GRIK4: variants seen among roughly 807,000 people sequenced by gnomAD.
GRIK4 encodes the protein glutamate receptor ionotropic, kainate 4.
In GRIK4, 40 loss-of-function variants were observed where a neutral mutation model predicts 104.9. The ratio of observed to expected loss-of-function variants is 0.38; its 90% CI spans 0.30 to 0.50. GRIK4 has a LOEUF of 0.50. GRIK4 is among the 20% of genes least tolerant of loss of function. The probability of loss-of-function intolerance (pLI) is 0.93; values close to 1 mark genes in which losing one functional copy is unlikely to be tolerated. For missense variants in GRIK4, 1,047 were observed against 1,308.1 expected (o/e 0.80, Z 3.08); for synonymous variants, 485 against 524.9 (o/e 0.92, Z 1.04).
intron 13 of GRIK4, among the ~76,000 whole-genome samples, chr11:120,920,940 C>T (rs1943214892): frequency 6.6e-6 from 1 of 152,204 alleles, no homozygotes; most frequent in Non-Finnish European, 1.5e-5. Context: ...CACTCACTGG[C>T]CTCCTCTTGG....
intron 19 of GRIK4, among the ~76,000 whole-genome samples, chr11:120,976,977 G>T (rs1944570771): frequency 6.6e-6 from 1 of 152,234 alleles, no homozygotes; most frequent in Non-Finnish European, 1.5e-5. Context: ...GGAAGAGCAA[G>T]TGGGTGGGTG....
At chr11:120,937,855 T>C (rs575554900) in intron 13 of GRIK4, among the ~76,000 whole-genome samples, 40 of 152,324 alleles carry the variant, frequency 2.6e-4, no homozygotes, top group Admixed American at 2.5e-3. Flanking sequence ...TTTATCGACT[T>C]GTAAAATGAT....
intron 5 of GRIK4, among the ~76,000 whole-genome samples, chr11:120,818,624 T>C (rs1029928496): frequency 2.1e-4 from 32 of 152,184 alleles, no homozygotes; most frequent in Admixed American, 6.5e-5. Context: ...GGAGCTCTGG[T>C]CTCCAGCTGA....
At chr11:120,641,639 A>T (rs1949473468) in intron 1 of GRIK4, among the ~76,000 whole-genome samples, 1 of 152,200 alleles carries the variant, frequency 6.6e-6, no homozygotes, top group Non-Finnish European at 1.5e-5. Context: ...ATGCTAATGC[A>T]TTATAATAGG....
At chr11:120,516,379 A>C (rs567316868) in intron 1 of GRIK4, among the ~76,000 whole-genome samples, 1 of 152,216 alleles carries the variant, frequency 6.6e-6, no homozygotes, top group South Asian at 2.1e-4. Context: ...AGGCAGGATG[A>C]GGGGAGAGAG....
At chr11:120,584,014 T>C (rs1948623450) in intron 1 of GRIK4, among the ~76,000 whole-genome samples, 1 of 152,244 alleles carries the variant, frequency 6.6e-6, no homozygotes, top group Non-Finnish European at 1.5e-5. Flanking sequence ...GCTTTCATCT[T>C]GGACGTTGTT....
chr11:120,877,947 T>G (rs1429943028), intron 11 of GRIK4, among the ~76,000 whole-genome samples: 2 of 152,162 alleles, frequency 1.3e-5, no homozygotes, highest in African/African-American at 4.8e-5. Flanking sequence ...CTGATCCCAC[T>G]CTCCACTTGA....
At chr11:120,766,151 C>T (rs1951835895) in intron 3 of GRIK4, among the ~76,000 whole-genome samples, 1 of 152,212 alleles carries the variant, frequency 6.6e-6, no homozygotes, top group Admixed American at 6.5e-5. Flanking sequence ...ATGCCTTGCC[C>T]AGAGAGGAGG....
chr11:120,758,013 C>T (rs956578554), intron 3 of GRIK4, among the ~76,000 whole-genome samples: 5 of 152,152 alleles, frequency 3.3e-5, no homozygotes, highest in Non-Finnish European at 7.4e-5. Flanking sequence ...CAGGAGTGGG[C>T]GTTAGGCTGA....
intron 8 of GRIK4, among the ~76,000 whole-genome samples, chr11:120,860,003 A>T (rs1954219369): frequency 6.6e-6 from 1 of 152,190 alleles, no homozygotes; most frequent in South Asian, 2.1e-4. Flanking sequence ...GCAAGGATGC[A>T]AGGGTGGCGC....
Position 120,752,988 on chromosome 11 carries a change from C to G in GRIK4, c.83-49705C>G, listed in dbSNP as rs143897692. Among the ~76,000 whole-genome samples, 156 of 152,348 alleles carry G rather than the reference C, an allele frequency of 1.0e-3. 2 individuals carry two copies. The East Asian group carries it at 0.029, about 28-fold the overall frequency. ...GGTGCCTCCTCGTGGGCCAGTCCCA[C>G]CCTCTCCCTTGTGGCCTTCAAGGAA... is the stretch of plus-strand genomic sequence containing the variant. On this transcript the variant is annotated intron_variant, in intron 3 of 20. Coordinates refer to ENST00000527524, the MANE Select transcript of GRIK4 (RefSeq NM_014619.5).
chr11:120,722,701 G>C (rs995967173), intron 3 of GRIK4, among the ~76,000 whole-genome samples: 1 of 152,198 alleles, frequency 6.6e-6, no homozygotes, highest in African/African-American at 2.4e-5. Flanking sequence ...TCTTCTGAAA[G>C]GGACTGGAAT....
At chr11:120,576,409 A>AC (rs761971981) in intron 1 of GRIK4, 2 of 151,660 alleles carry the variant, frequency 1.3e-5, no homozygotes, top group East Asian at 1.9e-4. Context: ...CTTCAGGAAG[A>AC]CCCCCCATTT....
In GRIK4 at chr11:120,939,246, A is replaced by G. The variant is rs1943665702; in HGVS notation, c.1477-1101A>G. 6.6e-6 allele frequency among the ~76,000 whole-genome samples: 1 copy of G among 152,236 alleles called. No individual in the cohort carries two copies. The highest frequency in any genetic ancestry group is 1.5e-5 in the Non-Finnish European group (1 of 68,042). On this transcript the variant is annotated intron_variant, in intron 13 of 20. Transcript: ENST00000527524. This position sits in a 1 kb window ranked among gnomAD's most constrained non-coding sequence, Gnocchi z 5.6. ...TTCCTGACATAGAAGAGTATGAGGA[A>G]GTCTACATCTTTCCCAGAAGGGTTT...
chr11:120,928,845 C>T (rs1943411457), intron 13 of GRIK4, among the ~76,000 whole-genome samples: 1 of 152,152 alleles, frequency 6.6e-6, no homozygotes, highest in Non-Finnish European at 1.5e-5. Flanking sequence ...GCCACTTTCC[C>T]AGGAATGCTA....
intron 3 of GRIK4, among the ~76,000 whole-genome samples, chr11:120,779,585 A>G (rs1367821199): frequency 6.6e-6 from 1 of 152,212 alleles, no homozygotes. Flanking sequence ...CCTGGATTCA[A>G]AGTCGTGGTG....
chr11:120,789,102 C>T (rs887337371), intron 3 of GRIK4, among the ~76,000 whole-genome samples: 3 of 152,212 alleles, frequency 2.0e-5, no homozygotes, highest in African/African-American at 4.8e-5. Flanking sequence ...CTGTTACTCA[C>T]CATCCTATGC....
chr11:120,654,237 G>C (rs1214431046), intron 2 of GRIK4, among the ~76,000 whole-genome samples: 1 of 152,206 alleles, frequency 6.6e-6, no homozygotes, highest in Non-Finnish European at 1.5e-5. Context: ...TGCTGTTTTT[G>C]TTGCGTGAGC....
At chr11:120,561,585 G>T (rs183454283) in intron 1 of GRIK4, among the ~76,000 whole-genome samples, 2 of 152,322 alleles carry the variant, frequency 1.3e-5, no homozygotes, top group East Asian at 1.9e-4. Flanking sequence ...GCCATGAGAG[G>T]GTCTCATATA....
Sources: gnomAD v4.1 joint callset for allele counts (sites outside exome capture counted in the v4.1 genomes callset) on GRCh38, gnomAD v4.1.1 for gene constraint, Gnocchi (gnomAD v3.1) non-coding constraint, MANE v1.5 for transcripts, NCBI Gene and HGNC (gene_info 2026-07-23, HGNC 2026-07-21) for gene names.